The following PTPA variants were observed in gnomAD, a reference collection of about 807,000 sequenced individuals.
PTPA encodes the protein serine/threonine-protein phosphatase 2A activator.
Under a neutral mutation model 43.6 loss-of-function variants are expected in PTPA, and 13 were observed. The ratio of observed to expected loss-of-function variants is 0.30; its 90% confidence interval spans 0.19 to 0.47. The LOEUF (loss-of-function observed/expected upper bound fraction) is 0.47, where lower values mean the gene tolerates loss of function less well. Ranked by LOEUF, PTPA falls within the 20% of genes least tolerant of loss-of-function variation. PTPA has a pLI of 0.99. For synonymous variants in PTPA, 172 were observed against 158.2 expected (o/e 1.09, Z -0.66); for missense variants, 329 against 411.9 (o/e 0.80, Z 1.74).
At chr9:129,112,887 G>A (rs962147094) in intron 1 of PTPA, among the ~76,000 whole-genome samples, 19 of 151,884 alleles carry the variant, frequency 1.3e-4, no homozygotes, top group Admixed American at 1.2e-3. Context: ...GTTGCGGTGA[G>A]CTGAGATCGC....
In PTPA at chr9:129,136,571, A is replaced by C; in HGVS notation, c.661A>C (p.Ile221Leu). ...GLDDFQFLPF[I>L]WGSSQLIDHP... ...GGATGACTTCCAGTTTCTGCCCTTC[A>C]TCTGGGGCAGTTCGCAGCTGATAGG... is the stretch of plus-strand genomic sequence containing the variant. Residue 221 changes from isoleucine to leucine, a missense_variant, in exon 7 of 10, where the codon ATC becomes CTC. Coordinates refer to ENST00000393370, the MANE Select transcript of PTPA (RefSeq NM_178000.3). The C allele has an allele frequency of 6.2e-7, 1 of 1,613,482 alleles. No homozygotes were observed. The highest frequency in any genetic ancestry group is 2.2e-5 in the East Asian group (1 of 44,840).
chr9:129,137,230 C>T (rs1352772998), intron 7 of PTPA, among the ~76,000 whole-genome samples: 6 of 152,318 alleles, frequency 3.9e-5, no homozygotes, highest in African/African-American at 4.8e-5. Flanking sequence ...AGTGACACTG[C>T]GAAGGGTCTG....
Position 129,138,712 on chromosome 9 carries a change from G to T in PTPA, c.786+1020G>T, listed in dbSNP as rs532041390. On this transcript the variant is annotated intron_variant, in intron 8 of 9. Transcript: ENST00000393370. ...GGGCTGTGTATTCTGAGCCCCCGAC[G>T]AGGTGGAGAAAGCTGGGTTATAACC... 6.6e-5 allele frequency among the ~76,000 whole-genome samples: 10 copies of T among 152,294 alleles called. 1 individual carries two copies. Among genetic ancestry groups the T allele is most frequent in the African/African-American group, 2.4e-4 (10 of 41,568 alleles).
rs1281977189 is a variant in PTPA at position 129,131,650 on chromosome 9, C to G, written c.460+11C>G. 1 of 1,609,734 alleles carries G rather than the reference C, an allele frequency of 6.2e-7. No individual in the cohort carries two copies. The highest frequency in any genetic ancestry group is 1.7e-4 in the Middle Eastern group (1 of 6,042). ...TTGACTACGGCACAGGTATCTGCTG[C>G]TTGTGGGGCTCTGTACTTATCTAGC... On this transcript the variant is annotated intron_variant, in intron 5 of 9. Coordinates refer to ENST00000393370, the MANE Select transcript of PTPA (RefSeq NM_178000.3).
upstream of PTPA, chr9:129,111,011 C>G (rs1482337448): frequency 1.5e-6 from 2 of 1,370,584 alleles, no homozygotes; most frequent in Admixed American, 3.8e-5. Flanking sequence ...CCTGTCCCCA[C>G]ATGTCTTCTA....
intron 1 of PTPA, among the ~76,000 whole-genome samples, chr9:129,116,286 G>A (rs1167927896): frequency 1.3e-5 from 2 of 151,672 alleles, no homozygotes; most frequent in Admixed American, 6.6e-5. Flanking sequence ...CTGGGTTCAC[G>A]CCATTCTCTC....
rs1441962945 is a variant in PTPA at position 129,124,874 on chromosome 9, C to T, written c.216+1736C>T. 2.0e-5 allele frequency among the ~76,000 whole-genome samples: 3 copies of T among 152,244 alleles called. 1 individual carries two copies. Among genetic ancestry groups the T allele is most frequent in the Non-Finnish European group, 4.4e-5 (3 of 68,050 alleles). On this transcript the variant is annotated intron_variant, in intron 3 of 9. Transcript: ENST00000393370. Reference sequence around the variant, plus strand: ...TAACACTGTGTGCCTCACCCTCATACCCGGCCCCTGGCAGAGCTGCCTATT... The same window carrying T: ...TAACACTGTGTGCCTCACCCTCATATCCGGCCCCTGGCAGAGCTGCCTATT...
chr9:129,140,550 G>A (rs1055297990), intron 8 of PTPA, among the ~76,000 whole-genome samples: 3 of 152,236 alleles, frequency 2.0e-5, no homozygotes, highest in African/African-American at 4.8e-5. Flanking sequence ...CCTGGTAGGC[G>A]AGGCTGGCCA....
chr9:129,143,359 T>C (rs966201727), intron 9 of PTPA: 2 of 702,970 alleles, frequency 2.8e-6, no homozygotes, highest in Non-Finnish European at 5.2e-6. Flanking sequence ...TTAAAGTCCC[T>C]TCTTTCTGTT....
chr9:129,135,348 G>A (rs1850295438), intron 6 of PTPA, among the ~76,000 whole-genome samples: 2 of 151,952 alleles, frequency 1.3e-5, no homozygotes, highest in East Asian at 1.9e-4. Context: ...AGCTGAGATC[G>A]TGCCACTGTA....
At chr9:129,136,827 A>T (rs1199744785) in intron 7 of PTPA, among the ~76,000 whole-genome samples, 2 of 152,246 alleles carry the variant, frequency 1.3e-5, no homozygotes, top group African/African-American at 4.8e-5. Context: ...CGCCACCAAG[A>T]TAATGGGAAG....
chr9:129,121,635 G>A (rs1018994434), intron 2 of PTPA, among the ~76,000 whole-genome samples: 15 of 152,204 alleles, frequency 9.9e-5, no homozygotes. Flanking sequence ...CATGTAGGAC[G>A]TTTACTAATA....
At chr9:129,137,918 C>T (rs917264420) in intron 8 of PTPA, 1 of 552,500 alleles carries the variant, frequency 1.8e-6, no homozygotes, top group Non-Finnish European at 3.4e-6. Flanking sequence ...CTGAACACCA[C>T]AGGAGTCTTG....
chr9:129,138,893 G>T (rs1850565546), intron 8 of PTPA, among the ~76,000 whole-genome samples: 1 of 152,226 alleles, frequency 6.6e-6, no homozygotes, highest in South Asian at 2.1e-4. Flanking sequence ...GAGATCTGCT[G>T]CCCTCAGCAG....
chr9:129,112,940 A>ACC lies in PTPA; in HGVS notation c.31+1314_31+1315dup, dbSNP rs59067926. Among the ~76,000 whole-genome samples, 39 of 143,214 alleles carry ACC rather than the reference A, an allele frequency of 2.7e-4. 1 individual carries two copies. The South Asian group carries it at 3.2e-3, about 12-fold the overall frequency. 94.0% of individuals were successfully genotyped at this position (143,214 alleles called of 152,430 possible). Reference sequence around the variant, plus strand: ...TGGACAACAAGAGTGAAACTCCGTCACCCCCCAAAAAAAAAACCGGGGTGT... The same window carrying ACC: ...TGGACAACAAGAGTGAAACTCCGTCACCCCCCCCAAAAAAAAAACCGGGGTGT... On this transcript the variant is annotated intron_variant, in intron 1 of 9. Transcript: ENST00000393370.
In PTPA at chr9:129,129,109, A is replaced by G. The variant is rs1849775648; in HGVS notation, c.341A>G (p.Glu114Gly). 1 of 1,611,962 alleles carries G rather than the reference A, an allele frequency of 6.2e-7. No individual in the cohort carries two copies. The highest frequency in any genetic ancestry group is 1.7e-5 in the Admixed American group (1 of 59,984). ...AYRTWYAKLD[E>G]EAENLVATVV... The stretch of plus-strand genomic sequence containing the variant: ...AGGACCTGGTATGCCAAACTTGATG[A>G]GGTGAGGCTGCCACAGGACAGGCCA... The change falls in exon 4 of 10, where the codon GAG (glutamate) becomes GGG (glycine). Residue 114 changes from glutamate to glycine, a missense_variant and splice_region_variant. Glu to Gly is a moderately conservative substitution (Grantham distance 98). Coordinates refer to ENST00000393370, the MANE Select transcript of PTPA (RefSeq NM_178000.3).
intron 3 of PTPA, among the ~76,000 whole-genome samples, chr9:129,124,877 G>A (rs561859987): frequency 1.0e-3 from 156 of 152,294 alleles, no homozygotes; most frequent in African/African-American, 3.7e-3. Flanking sequence ...CCTCATACCC[G>A]GCCCCTGGCA....
intron 9 of PTPA, among the ~76,000 whole-genome samples, chr9:129,146,834 C>T (rs1363003619): frequency 6.6e-6 from 1 of 152,178 alleles, no homozygotes; most frequent in Non-Finnish European, 1.5e-5. Flanking sequence ...GTTCAGCGCT[C>T]TTTTTCCCCT....
chr9:129,133,493 CCAGAGA>C lies in PTPA; in HGVS notation c.461-1298_461-1293del, dbSNP rs1588514245. Among the ~76,000 whole-genome samples, 4 of 152,216 alleles carry C rather than the reference CCAGAGA, an allele frequency of 2.6e-5. No individual in the cohort carries two copies. In the East Asian group the frequency reaches 7.7e-4, roughly 29 times the overall value. ...CAGGCCCTGGAGGGGTCTTCGTCCT[CCAGAGA>C]CAGGACAGAAGTATTCTCTGACACA... On this transcript the variant is annotated intron_variant, in intron 5 of 9. Transcript: ENST00000393370.
Sources: allele counts gnomAD v4.1 joint callset (sites outside exome capture counted in the v4.1 genomes callset), GRCh38; gene constraint gnomAD v4.1.1; transcripts MANE v1.5; gene names NCBI Gene and HGNC (gene_info 2026-07-23, HGNC 2026-07-21).